The following CACNA2D3 variants were observed in gnomAD, a reference collection of about 807,000 sequenced individuals.
CACNA2D3 encodes the protein calcium voltage-gated channel auxiliary subunit alpha2delta 3.
CACNA2D3 carries 60 observed loss-of-function variants against 160.6 expected under a neutral mutation model. The observed-to-expected ratio is 0.37, with a 90% CI of 0.30 to 0.46. The LOEUF (loss-of-function observed/expected upper bound fraction) is 0.46. Among genes scored for constraint, CACNA2D3 ranks in the 20% least tolerant of loss-of-function variants. CACNA2D3 has a pLI of 1.00. For synonymous variants in CACNA2D3, 558 were observed against 492.9 expected (o/e 1.13, Z -1.75); for missense variants, 1,205 against 1,365.0 (o/e 0.88, Z 1.85).
chr3:54,888,877 A>G (rs925648634), intron 24 of CACNA2D3, among the ~76,000 whole-genome samples: 1 of 152,188 alleles, frequency 6.6e-6, no homozygotes, highest in Non-Finnish European at 1.5e-5. Flanking sequence ...TGTTGGGGAA[A>G]TGGAGAGAAA....
chr3:54,806,406 A>G (rs1214882216), intron 13 of CACNA2D3, among the ~76,000 whole-genome samples: 2 of 152,226 alleles, frequency 1.3e-5, no homozygotes, highest in Non-Finnish European at 2.9e-5. Context: ...TTATACACCA[A>G]TAGCGGACAA....
chr3:54,760,236 CTCTCTGA>C (rs965946215), intron 12 of CACNA2D3, among the ~76,000 whole-genome samples: 7 of 364 alleles, frequency 0.019, no homozygotes, highest in Non-Finnish European at 0.038. Flanking sequence ...CAGGGAGGGC[CTCTCTGA>C]TCTGAGCTGA....
intron 3 of CACNA2D3, among the ~76,000 whole-genome samples, chr3:54,363,617 A>G (rs1559461325): frequency 6.6e-6 from 1 of 152,184 alleles, no homozygotes; most frequent in South Asian, 2.1e-4. Context: ...GAAACCCCCA[A>G]TGAGCATGCC....
chr3:55,022,608 TTCCC>T (rs1173180490), intron 35 of CACNA2D3, among the ~76,000 whole-genome samples: 6 of 148,100 alleles, frequency 4.1e-5, no homozygotes, highest in Admixed American at 3.4e-4. Flanking sequence ...CTTTCTTTCC[TTCCC>T]TCCCTCCCTC....
Position 54,400,223 on chromosome 3 carries a change from C to T in CACNA2D3, c.381+13449C>T, listed in dbSNP as rs936332152. On this transcript the variant is annotated intron_variant, in intron 4 of 37. Coordinates refer to ENST00000474759, the MANE Select transcript of CACNA2D3 (RefSeq NM_018398.3). Reference sequence around the variant, plus strand: ...CTGGCACTCCCTAGTGAGATGAACCCGGTACCTCAGATGGAAATGCAGAAA... The same window carrying T: ...CTGGCACTCCCTAGTGAGATGAACCTGGTACCTCAGATGGAAATGCAGAAA... Among the ~76,000 whole-genome samples the T allele has an allele frequency of 7.3e-5, 11 of 150,030 alleles. 1 individual carries two copies. Among genetic ancestry groups the T allele is most frequent in the Admixed American group, 2.7e-4 (4 of 15,062 alleles).
chr3:54,470,929 C>G (rs1700719283), intron 4 of CACNA2D3, among the ~76,000 whole-genome samples: 1 of 152,084 alleles, frequency 6.6e-6, no homozygotes, highest in African/African-American at 2.4e-5. Context: ...TCTTAGAGAC[C>G]TACAAAGAGA....
At chr3:54,885,051 A>T (rs1699889475) in intron 21 of CACNA2D3, among the ~76,000 whole-genome samples, 1 of 152,140 alleles carries the variant, frequency 6.6e-6, no homozygotes, top group African/African-American at 2.4e-5. Flanking sequence ...ATGAACAGCC[A>T]GGGAAGGTGG....
chr3:54,777,252 C>T (rs1330360581), intron 13 of CACNA2D3, among the ~76,000 whole-genome samples: 1 of 152,212 alleles, frequency 6.6e-6, no homozygotes, highest in Non-Finnish European at 1.5e-5. Context: ...CTGACTTGGC[C>T]TCTTAGCCTG....
chr3:54,159,276 T>A (rs1464051178), intron 2 of CACNA2D3, among the ~76,000 whole-genome samples: 1 of 152,238 alleles, frequency 6.6e-6, no homozygotes, highest in Non-Finnish European at 1.5e-5. Flanking sequence ...GTGGTCATTT[T>A]TTTTTTCCTT....
chr3:54,308,617 G>T (rs997173198), intron 2 of CACNA2D3, among the ~76,000 whole-genome samples: 5 of 152,112 alleles, frequency 3.3e-5, no homozygotes, highest in African/African-American at 1.2e-4. Context: ...AGATATGGGG[G>T]TTATTCTTAT....
intron 27 of CACNA2D3, among the ~76,000 whole-genome samples, chr3:54,909,887 C>T (rs760150227): frequency 4.6e-5 from 7 of 152,034 alleles, no homozygotes; most frequent in Non-Finnish European, 8.8e-5. Context: ...GTGTGGCCCA[C>T]GGAAGCCAAA....
intron 2 of CACNA2D3, among the ~76,000 whole-genome samples, chr3:54,309,933 C>T (rs909632869): frequency 4.6e-5 from 7 of 151,870 alleles, no homozygotes; most frequent in Admixed American, 4.6e-4. Context: ...TTCCTCTCTG[C>T]TTGCAGTTCA....
intron 3 of CACNA2D3, among the ~76,000 whole-genome samples, chr3:54,355,683 A>T (rs1698636128): frequency 6.6e-6 from 1 of 152,188 alleles, no homozygotes; most frequent in Non-Finnish European, 1.5e-5. Context: ...GATGTAAAAG[A>T]TGCCGTTGGA....
intron 14 of CACNA2D3, among the ~76,000 whole-genome samples, chr3:54,825,760 A>G (rs1024410775): frequency 6.6e-6 from 1 of 152,270 alleles, no homozygotes; most frequent in Non-Finnish European, 1.5e-5. Context: ...GAGGTAAATC[A>G]GATTCAATAC....
chr3:54,811,063 C>T (rs112609135), intron 13 of CACNA2D3, among the ~76,000 whole-genome samples: 2 of 152,118 alleles, frequency 1.3e-5, no homozygotes, highest in Non-Finnish European at 2.9e-5. Context: ...TCTGCCTACA[C>T]TCACCCCTTC....
chr3:54,723,213 C>T (rs1414540372), intron 11 of CACNA2D3, among the ~76,000 whole-genome samples: 1 of 152,212 alleles, frequency 6.6e-6, no homozygotes, highest in East Asian at 1.9e-4. Flanking sequence ...CCTACTCAAG[C>T]CTCAGCAATG....
At chr3:54,918,436 A>C in intron 27 of CACNA2D3, 1 of 1,601,214 alleles carries the variant, frequency 6.2e-7, no homozygotes, top group Non-Finnish European at 8.5e-7. Context: ...TGCAATGACC[A>C]ATCCTATTTG....
chr3:54,764,047 T>C (rs1324186839), intron 12 of CACNA2D3, among the ~76,000 whole-genome samples, 171 bp from the exon 13 acceptor site: 1 of 150,908 alleles, frequency 6.6e-6, no homozygotes, highest in Non-Finnish European at 1.5e-5. Context: ...ATAAAGTGGG[T>C]GATCGGGGAG....
chr3:54,801,107 C>T (rs1203604838), intron 13 of CACNA2D3, among the ~76,000 whole-genome samples: 1 of 151,914 alleles, frequency 6.6e-6, no homozygotes, highest in Admixed American at 6.6e-5. Context: ...ACGCCTCAGC[C>T]TCCTGAGTAG....
Sources: allele counts gnomAD v4.1 joint callset (sites outside exome capture counted in the v4.1 genomes callset), GRCh38; gene constraint gnomAD v4.1.1; transcripts MANE v1.5; gene names NCBI Gene and HGNC (gene_info 2026-07-23, HGNC 2026-07-21).